The following TNIK variants were observed in gnomAD, a reference collection of about 807,000 sequenced individuals.
The protein encoded by TNIK is TRAF2 and NCK interacting kinase, also known as TRAF2 and NCK-interacting protein kinase.
In TNIK, 49 loss-of-function variants were observed where a neutral mutation model predicts 191.3. The observed-to-expected ratio is 0.26, with a 90% CI of 0.20 to 0.32. The LOEUF (loss-of-function observed/expected upper bound fraction) is 0.32. TNIK is among the 10% of genes least tolerant of loss of function. The pLI is 1.00. For missense variants in TNIK, 1,155 were observed against 1,702.3 expected (o/e 0.68, Z 5.66); for synonymous variants, 594 against 600.9 (o/e 0.99, Z 0.17).
intron 23 of TNIK, among the ~76,000 whole-genome samples, chr3:171,092,814 G>A (rs1036651295): frequency 2.0e-4 from 30 of 152,164 alleles, no homozygotes; most frequent in African/African-American, 7.2e-4. Context: ...TTTTTGGAGA[G>A]CAAAGTCTGC....
At chr3:171,133,223 C>T (rs779055313) in intron 15 of TNIK, among the ~76,000 whole-genome samples, 1 of 152,102 alleles carries the variant, frequency 6.6e-6, no homozygotes, top group East Asian at 1.9e-4. Context: ...TCCAGAAAAA[C>T]GTATAGATCC....
At chr3:171,257,317 T>G (rs1433230927) in intron 2 of TNIK, among the ~76,000 whole-genome samples, 1 of 151,592 alleles carries the variant, frequency 6.6e-6, no homozygotes, top group Non-Finnish European at 1.5e-5. Context: ...AGCATGCAAA[T>G]TTACTTAGCA....
intron 10 of TNIK, among the ~76,000 whole-genome samples, chr3:171,161,978 C>T (rs1306078030): frequency 1.3e-5 from 2 of 152,090 alleles, no homozygotes; most frequent in East Asian, 1.9e-4. Context: ...ATAAAGCCAC[C>T]CATATCAAAC....
In TNIK at chr3:171,309,561, T is replaced by TA. The variant is rs572333066; in HGVS notation, c.123+60058dup. Among the ~76,000 whole-genome samples the TA allele has an allele frequency of 3.0e-3, 450 of 152,114 alleles. 2 individuals are homozygous for TA. The highest frequency in any genetic ancestry group is 8.2e-3 in the Admixed American group (125 of 15,272). On this transcript the variant is annotated intron_variant, in intron 2 of 32. Coordinates refer to ENST00000436636, the MANE Select transcript of TNIK (RefSeq NM_015028.4). ...GCACCCCTGAACCAAAATCAAAGTT[T>TA]AAAAAAATGCTTCATTATATTTAAT...
At chr3:171,072,728 A>G (rs917100643) in intron 28 of TNIK, among the ~76,000 whole-genome samples, 1 of 152,142 alleles carries the variant, frequency 6.6e-6, no homozygotes. Context: ...AAGTTTCAGG[A>G]CACAAAATTA....
At chr3:171,340,129 CTAA>C (rs964147434) in intron 2 of TNIK, among the ~76,000 whole-genome samples, 1 of 151,990 alleles carries the variant, frequency 6.6e-6, no homozygotes, top group Non-Finnish European at 1.5e-5. Context: ...GAAAAAAATG[CTAA>C]TATTTTTAAA....
chr3:171,138,271 G>T lies in TNIK; in HGVS notation c.1528C>A (p.Gln510Lys). The change falls in exon 15 of 33, where the codon CAG becomes AAG. Residue 510 changes from glutamine (Q) to lysine (K), a missense_variant. This residue lies in a region of TNIK where 735 missense variants were observed against 848.0 expected (regional missense o/e 0.87). Coordinates refer to ENST00000436636, the MANE Select transcript of TNIK (RefSeq NM_015028.4). ...LVSLQHQRQE[Q>K]RPVEKKPLYH... Reference sequence around the variant, plus strand: ...AGTGGCTTCTTCTCCACAGGCCTCTGCTCCTGCCGCTGATGCTGAAGGGAA... The same window carrying T: ...AGTGGCTTCTTCTCCACAGGCCTCTTCTCCTGCCGCTGATGCTGAAGGGAA... 1 of 1,613,600 alleles carries T rather than the reference G, an allele frequency of 6.2e-7. No individual in the cohort carries two copies. Among genetic ancestry groups the T allele is most frequent in the Non-Finnish European group, 8.5e-7 (1 of 1,179,822 alleles).
chr3:171,292,962 T>G (rs927059057), intron 2 of TNIK, among the ~76,000 whole-genome samples: 2 of 152,054 alleles, frequency 1.3e-5, no homozygotes, highest in Non-Finnish European at 2.9e-5. Flanking sequence ...AATCACAACT[T>G]CGGCTGCCCT....
chr3:171,157,866 A>G (rs1403545494), intron 11 of TNIK, among the ~76,000 whole-genome samples: 1 of 152,134 alleles, frequency 6.6e-6, no homozygotes, highest in East Asian at 1.9e-4. Context: ...TTTCAGTACG[A>G]CTGTGGCCAA....
chr3:171,170,572 C>G (rs1735139643), intron 9 of TNIK, among the ~76,000 whole-genome samples: 1 of 151,958 alleles, frequency 6.6e-6, no homozygotes, highest in Non-Finnish European at 1.5e-5. Flanking sequence ...GTACTTATCT[C>G]AAAAAAAGTT....
chr3:171,402,800 A>G (rs140438815), intron 1 of TNIK, among the ~76,000 whole-genome samples: 201 of 152,342 alleles, frequency 1.3e-3, no homozygotes, highest in African/African-American at 4.7e-3. Context: ...AAGCATATCC[A>G]GCTCAAATAA....
intron 16 of TNIK, among the ~76,000 whole-genome samples, chr3:171,126,383 C>T (rs1321761677): frequency 6.6e-6 from 1 of 152,112 alleles, no homozygotes; most frequent in Non-Finnish European, 1.5e-5. Flanking sequence ...AACGCTAAGT[C>T]AGTGGAATGT....
intron 1 of TNIK, 71 bp downstream of exon 1, chr3:171,459,936 C>CCCCCCCCGG: frequency 2.7e-6 from 4 of 1,492,914 alleles, no homozygotes; most frequent in Non-Finnish European, 3.7e-6. Flanking sequence ...GCCCCAGCCC[C>CCCCCCCCGG]CAGTCCACGC....
At chr3:171,388,632 CT>C (rs942309508) in intron 1 of TNIK, among the ~76,000 whole-genome samples, 42 of 152,208 alleles carry the variant, frequency 2.8e-4, no homozygotes, top group African/African-American at 1.0e-3. Flanking sequence ...CACACACTAC[CT>C]TTGTGTTCTA....
At chr3:171,284,881 G>A (rs1381725694) in intron 2 of TNIK, among the ~76,000 whole-genome samples, 1 of 152,212 alleles carries the variant, frequency 6.6e-6, no homozygotes, top group Non-Finnish European at 1.5e-5. Flanking sequence ...GGAGTAAGGG[G>A]GAGAACTCAG....
intron 18 of TNIK, among the ~76,000 whole-genome samples, chr3:171,111,791 A>T (rs1725891219): frequency 6.6e-6 from 1 of 152,234 alleles, no homozygotes; most frequent in South Asian, 2.1e-4. Context: ...ATGAATGGAT[A>T]AAGAAAATGT....
chr3:171,367,176 T>C (rs373101326), intron 2 of TNIK, among the ~76,000 whole-genome samples: 9 of 152,360 alleles, frequency 5.9e-5, no homozygotes, highest in African/African-American at 2.2e-4. Context: ...ACCTACAGTA[T>C]TTTAGAAACA....
At chr3:171,100,276 GT>G (rs1252225229) in intron 22 of TNIK, among the ~76,000 whole-genome samples, 3 of 152,132 alleles carry the variant, frequency 2.0e-5, no homozygotes, top group Non-Finnish European at 2.9e-5. Context: ...AATGCAATTT[GT>G]TTCAAAATGT....
intron 2 of TNIK, among the ~76,000 whole-genome samples, chr3:171,254,831 A>G (rs887726474): frequency 1.3e-5 from 2 of 152,254 alleles, no homozygotes; most frequent in Non-Finnish European, 2.9e-5. Flanking sequence ...TATGCAAAAT[A>G]TAAGTACAGA....
Sources: gnomAD v4.1 joint callset for allele counts (sites outside exome capture counted in the v4.1 genomes callset) on GRCh38, gnomAD v4.1.1 for gene constraint, gnomAD v4.1.1 regional missense constraint, MANE v1.5 for transcripts, NCBI Gene and HGNC (gene_info 2026-07-23, HGNC 2026-07-21) for gene names.